The following MYOM3 variants were observed in gnomAD, a reference collection of about 807,000 sequenced individuals.
MYOM3 encodes myomesin-3.
MYOM3 carries 155 observed loss-of-function variants against 191.7 expected under a neutral mutation model. The observed-to-expected ratio is 0.81, with a 90% CI of 0.71 to 0.92. The LOEUF is 0.92. Ranked by LOEUF, MYOM3 falls within the 40% of genes least tolerant of loss-of-function variation. The pLI is 0.00. For missense variants in MYOM3, 1,889 were observed against 1,890.6 expected (o/e 1.00, Z 0.02); for synonymous variants, 757 against 762.9 (o/e 0.99, Z 0.13).
In MYOM3 at chr1:24,063,550, A is replaced by G; in HGVS notation, c.3623-20T>C. ...CCAGGGCTGGCGGGAAACAGAGAGA[A>G]GGGTTAGCTGGCATAGGGCTCCCCT... is the stretch of plus-strand genomic sequence containing the variant. On this transcript the variant is annotated intron_variant, in intron 30 of 36. Coordinates refer to ENST00000374434, the MANE Select transcript of MYOM3 (RefSeq NM_152372.4). The surrounding 1 kb of genome is among the most constrained non-coding windows in gnomAD (Gnocchi z 4.5). 1 of 1,614,078 alleles carries G rather than the reference A, an allele frequency of 6.2e-7. No homozygotes were observed. Among genetic ancestry groups the G allele is most frequent in the Non-Finnish European group, 8.5e-7 (1 of 1,179,990 alleles).
At chr1:24,084,139 A>G in intron 16 of MYOM3, 1 of 284,022 alleles carries the variant, frequency 3.5e-6, no homozygotes, top group Non-Finnish European at 6.7e-6. Context: ...ACCTCGTGGG[A>G]GGAGATTGGA....
rs145477178 is a variant in MYOM3, at chr1:24,068,163, G to A, written c.3295+60C>T. 214 of 1,236,216 alleles carry A rather than the reference G, an allele frequency of 1.7e-4. 1 individual carries two copies. In the East Asian group the frequency reaches 8.5e-3, roughly 49 times the overall value. 76.6% of individuals were successfully genotyped at this position (1,236,216 alleles called of 1,614,324 possible). On this transcript the variant is annotated intron_variant, in intron 26 of 36. Coordinates refer to ENST00000374434, the MANE Select transcript of MYOM3 (RefSeq NM_152372.4). ...CCGAGGACTCAGGGCTGCAGGGCAG[G>A]CCAGGTGTGCGGGGCAGGGCGGGGC...
rs1570879694 is a variant in MYOM3 at position 24,092,930 on chromosome 1, C to T, written c.1090+17G>A. On this transcript the variant is annotated intron_variant, in intron 10 of 36. Transcript: ENST00000374434. ...TCTGGGCTCCTGCTGCTACCCTGCG[C>T]CCACCCATGCCCTCACCTCTCACAA... is the stretch of plus-strand genomic sequence containing the variant. The T allele has an allele frequency of 6.6e-7, 1 of 1,518,090 alleles. No individual in the cohort carries two copies. Among genetic ancestry groups the T allele is most frequent in the Non-Finnish European group, 8.8e-7 (1 of 1,134,174 alleles). The allele number at this position is 1,518,090 out of a possible 1,614,324, so 94.0% of individuals were successfully genotyped here. A position where few individuals can be genotyped will look rare whatever the true frequency, so the allele number is the denominator to read the frequency against.
chr1:24,092,915 T>G, intron 10 of MYOM3, 32 bp downstream of exon 10: 1 of 1,475,752 alleles, frequency 6.8e-7, no homozygotes, highest in Non-Finnish European at 9.0e-7. Context: ...TCTGGGCTCC[T>G]GCTGCTACCC....
At chr1:24,067,800 C>A (rs886515668) in intron 27 of MYOM3, among the ~76,000 whole-genome samples, 170 bp downstream of exon 27, 1 of 152,156 alleles carries the variant, frequency 6.6e-6, no homozygotes, top group African/African-American at 2.4e-5. Context: ...CTCTCACCCT[C>A]AGGTCAGGCA....
Position 24,079,962 on chromosome 1 carries a change from C to T in MYOM3, c.2586+54G>A, listed in dbSNP as rs921649397. ...TGGAGGTCATTCCAGCTCTGATGCTCTAGTGGCAGGGAAGGCTCAGGGCCA... is the reference window on the plus strand; with the variant it reads ...TGGAGGTCATTCCAGCTCTGATGCTTTAGTGGCAGGGAAGGCTCAGGGCCA... On this transcript the variant is annotated intron_variant, in intron 20 of 36. Transcript: ENST00000374434. The T allele has an allele frequency of 4.0e-5, 59 of 1,479,934 alleles. No individual in the cohort carries two copies. In the Admixed American group the frequency reaches 1.1e-3, roughly 28 times the overall value. The allele number at this position is 1,479,934 out of a possible 1,614,324, so 91.7% of individuals were successfully genotyped here.
chr1:24,073,748 A>T (rs1304430279), intron 23 of MYOM3, among the ~76,000 whole-genome samples: 4 of 151,760 alleles, frequency 2.6e-5, no homozygotes, highest in Non-Finnish European at 5.9e-5. Flanking sequence ...CTGTAGATCC[A>T]GCTACTTGGG....
At chr1:24,104,927 A>G (rs1278954713) in intron 5 of MYOM3, among the ~76,000 whole-genome samples, 1 of 152,178 alleles carries the variant, frequency 6.6e-6, no homozygotes, top group Non-Finnish European at 1.5e-5. Flanking sequence ...CTCATCCCCC[A>G]GGGTACTGGG....
chr1:24,086,895 C>A, intron 14 of MYOM3, 68 bp from the exon 15 acceptor site: 1 of 1,500,478 alleles, frequency 6.7e-7, no homozygotes, highest in South Asian at 1.2e-5. Flanking sequence ...GGTCACCTCC[C>A]ATGATCTCTG....
At position 24,074,176 on chromosome 1, in the gene MYOM3, G is replaced by A. The variant is rs754385691; in HGVS notation, c.2952C>T (p.His984=). The change falls in exon 23 of 37, where the codon CAC becomes CAT. Residue 984 remains histidine (H), a synonymous_variant. Coordinates refer to ENST00000374434, the MANE Select transcript of MYOM3 (RefSeq NM_152372.4). ...GTGCATTACCTTCCTCGGTTAGCGT[G>A]TGGCTTGCGGAGATGTCTTCATCGG... ...TDADEDISAS[H]TLTEEELEKL... 5.0e-6 allele frequency: 8 copies of A among 1,613,532 alleles called. No homozygotes were observed. Among genetic ancestry groups the A allele is most frequent in the South Asian group, 1.1e-5 (1 of 91,056 alleles).
intron 24 of MYOM3, 61 bp downstream of exon 24, chr1:24,071,908 G>A (rs375655874): frequency 6.4e-7 from 1 of 1,553,764 alleles, no homozygotes; most frequent in Non-Finnish European, 8.9e-7. Context: ...GCTCTGCTCA[G>A]AACATGCCAA....
chr1:24,057,664 C>T, intron 36 of MYOM3, 37 bp from the exon 37 acceptor site: 2 of 1,596,354 alleles, frequency 1.3e-6, no homozygotes, highest in Non-Finnish European at 1.7e-6. Flanking sequence ...GTCTCACCTC[C>T]TTGTAACTTG....
At chr1:24,081,191 C>T in intron 19 of MYOM3, 139 bp downstream of exon 19, 6 of 1,106,342 alleles carry the variant, frequency 5.4e-6, no homozygotes, top group Non-Finnish European at 7.7e-6. Context: ...TGGGTTTGTG[C>T]AAGGGCCAGG....
chr1:24,067,283 C>CCTTT (rs775863848), intron 27 of MYOM3, among the ~76,000 whole-genome samples, 195 bp from the exon 28 acceptor site: 6,037 of 108,094 alleles, frequency 0.056, 411 homozygotes, highest in East Asian at 0.11. Flanking sequence ...TTTCTTCCTT[C>CCTTT]CTTTCTTTCT....
Position 24,082,677 on chromosome 1 carries a change from C to T in MYOM3, c.2008G>A (p.Glu670Lys), listed in dbSNP as rs766771466. Residue 670 changes from glutamate to lysine, a missense_variant, in exon 17 of 37, where the codon GAG becomes AAG. Coordinates refer to ENST00000374434, the MANE Select transcript of MYOM3 (RefSeq NM_152372.4). ...VPGLRTGKEY[E>K]FCVRSVSEAG... ...TCGCTGACTGACCTGACACAAAACT[C>T]GTACTCCTTCCCCGTCCTCAGCCCG... The T allele has an allele frequency of 3.8e-5, 62 of 1,611,874 alleles. No individual in the cohort carries two copies. Among genetic ancestry groups the T allele is most frequent in the Non-Finnish European group, 5.0e-5 (59 of 1,179,244 alleles).
rs770020726 is a variant in MYOM3 at position 24,107,101 on chromosome 1, C to T, written c.374G>A (p.Arg125Lys). Residue 125 changes from arginine to lysine, a missense_variant, in exon 4 of 37, where the codon AGG becomes AAG. Arg to Lys is a conservative substitution (Grantham distance 26). Transcript: ENST00000374434. ...FLQTHRLLRQ[R>K]RDWKTLRRRT... is the part of the protein sequence containing the mutation. ...CCGCCTCAGCGTCTTCCAGTCCCGC[C>T]TCTGGCGCAGCAGCCGGTGGGTCTG... 8 of 1,611,826 alleles carry T rather than the reference C, an allele frequency of 5.0e-6. No individual in the cohort carries two copies. The highest frequency in any genetic ancestry group is 3.3e-5 in the South Asian group (3 of 90,524).
At chr1:24,107,910 G>C in intron 3 of MYOM3, 83 bp downstream of exon 3, 1 of 1,236,048 alleles carries the variant, frequency 8.1e-7, no homozygotes, top group Non-Finnish European at 1.2e-6. Context: ...TACACTCGGG[G>C]TGAAAGGCCA....
intron 15 of MYOM3, among the ~76,000 whole-genome samples, chr1:24,085,921 G>A (rs1643732385): frequency 6.6e-6 from 1 of 152,184 alleles, no homozygotes; most frequent in Admixed American, 6.5e-5. Context: ...CCCCAAATGG[G>A]ACCTTCAGCA....
chr1:24,076,507 CTTTTTTTTTT>C (rs558326490), intron 20 of MYOM3, among the ~76,000 whole-genome samples: 1,497 of 48,696 alleles, frequency 0.031, 15 homozygotes, highest in East Asian at 0.042. Context: ...CCTAATGTTT[CTTTTTTTTTT>C]TTTTTTTTTT....
Sources: allele counts gnomAD v4.1 joint callset (sites outside exome capture counted in the v4.1 genomes callset), GRCh38; gene constraint gnomAD v4.1.1; non-coding constraint Gnocchi (gnomAD v3.1); transcripts MANE v1.5; gene names NCBI Gene and HGNC (gene_info 2026-07-23, HGNC 2026-07-21).